Variants in AHCYL2 observed in about 807,000 individuals in gnomAD.
The protein encoded by AHCYL2 is adenosylhomocysteinase like 2, also known as S-adenosylhomocysteine hydrolase-like protein 2.
Under a neutral mutation model 81.4 loss-of-function variants are expected in AHCYL2, and 28 were observed. The ratio of observed to expected loss-of-function variants is 0.34; its 90% CI spans 0.25 to 0.47. The LOEUF is 0.47. Ranked by LOEUF, AHCYL2 falls within the 20% of genes least tolerant of loss-of-function variation. The pLI is 1.00. For missense variants in AHCYL2, 551 were observed against 785.1 expected (o/e 0.70, Z 3.56); for synonymous variants, 272 against 290.2 (o/e 0.94, Z 0.64).
chr7:129,260,405 T>C (rs1795583583), intron 1 of AHCYL2, among the ~76,000 whole-genome samples: 1 of 152,210 alleles, frequency 6.6e-6, no homozygotes, highest in Admixed American at 6.5e-5. Context: ...TATACAATCA[T>C]TCAAATACTT....
chr7:129,234,127 T>C (rs1794549398), intron 1 of AHCYL2, among the ~76,000 whole-genome samples: 1 of 152,162 alleles, frequency 6.6e-6, no homozygotes, highest in Non-Finnish European at 1.5e-5. Context: ...CATAGCTCAT[T>C]GCACCCTCAA....
chr7:129,308,708 A>G (rs1284293279), intron 1 of AHCYL2, among the ~76,000 whole-genome samples: 1 of 152,236 alleles, frequency 6.6e-6, no homozygotes, highest in African/African-American at 2.4e-5. Context: ...ACATTCAGAT[A>G]GTAGAATTAT....
chr7:129,373,345 A>G (rs1306609813), intron 1 of AHCYL2, among the ~76,000 whole-genome samples: 1 of 152,106 alleles, frequency 6.6e-6, no homozygotes, highest in Non-Finnish European at 1.5e-5. Flanking sequence ...GGAGATCGAG[A>G]CCAGCCTGGC....
chr7:129,379,102 G>A (rs1651657347), intron 1 of AHCYL2, among the ~76,000 whole-genome samples: 1 of 151,950 alleles, frequency 6.6e-6, no homozygotes, highest in Non-Finnish European at 1.5e-5. Context: ...CCAACATGGT[G>A]AAATGCTGTC....
chr7:129,258,266 AAAG>A (rs1795492540), intron 1 of AHCYL2, among the ~76,000 whole-genome samples: 1 of 151,766 alleles, frequency 6.6e-6, no homozygotes, highest in Non-Finnish European at 1.5e-5. Flanking sequence ...GGAAAAAAAA[AAAG>A]AATCCCCCAT....
At chr7:129,298,918 G>A (rs1027217926) in intron 1 of AHCYL2, among the ~76,000 whole-genome samples, 2 of 151,952 alleles carry the variant, frequency 1.3e-5, no homozygotes, top group Admixed American at 1.3e-4. Flanking sequence ...TTCTGTAAAG[G>A]CTCAGATGGT....
At chr7:129,233,946 G>C (rs1424938411) in intron 1 of AHCYL2, among the ~76,000 whole-genome samples, 1 of 151,944 alleles carries the variant, frequency 6.6e-6, no homozygotes, top group Non-Finnish European at 1.5e-5. Flanking sequence ...CCTTCATTCT[G>C]TCAAGACCAA....
rs370271862 is a variant in AHCYL2 at position 129,409,456 on chromosome 7, G to A, written c.1296-20G>A. 6 of 1,610,402 alleles carry A rather than the reference G, an allele frequency of 3.7e-6. No homozygotes were observed. The African/African-American group carries it at 4.0e-5, about 11-fold the overall frequency. On this transcript the variant is annotated intron_variant, in intron 10 of 16. Transcript: ENST00000325006. ...CCCAGCTGCCTGTTTAGGTTAATGGGTCATGCTTTATTTCAACAGTATGGA... is the reference window on the plus strand; with the variant it reads ...CCCAGCTGCCTGTTTAGGTTAATGGATCATGCTTTATTTCAACAGTATGGA...
At chr7:129,225,849 T>C (rs1794196245) in intron 1 of AHCYL2, among the ~76,000 whole-genome samples, 1 of 152,192 alleles carries the variant, frequency 6.6e-6, no homozygotes, top group African/African-American at 2.4e-5. Context: ...AAAAGATCTT[T>C]AATACTTGGA....
At chr7:129,303,001 A>T (rs1278342655) in intron 1 of AHCYL2, among the ~76,000 whole-genome samples, 1 of 151,826 alleles carries the variant, frequency 6.6e-6, no homozygotes, top group African/African-American at 2.4e-5. Flanking sequence ...CTTTGCTGGG[A>T]TACTTCTTTG....
At chr7:129,268,497 G>A (rs1795894674) in intron 1 of AHCYL2, among the ~76,000 whole-genome samples, 1 of 152,090 alleles carries the variant, frequency 6.6e-6, no homozygotes, top group South Asian at 2.1e-4. Flanking sequence ...ACAGGCACGG[G>A]CCACCATACC....
At chr7:129,291,302 A>G (rs1796850876) in intron 1 of AHCYL2, among the ~76,000 whole-genome samples, 1 of 152,182 alleles carries the variant, frequency 6.6e-6, no homozygotes, top group African/African-American at 2.4e-5. Context: ...TTTTGCATGG[A>G]TTATACATAT....
intron 1 of AHCYL2, among the ~76,000 whole-genome samples, chr7:129,332,290 G>A (rs1798450169): frequency 6.6e-6 from 1 of 152,058 alleles, no homozygotes. Context: ...CAGAAGGGTG[G>A]AGTGTATTAA....
intron 1 of AHCYL2, among the ~76,000 whole-genome samples, chr7:129,348,704 C>T (rs1188704909): frequency 1.3e-5 from 2 of 152,114 alleles, no homozygotes; most frequent in East Asian, 1.9e-4. Flanking sequence ...ACTTACTAGC[C>T]GTTGTTTGTC....
rs1203366740 is a variant in AHCYL2, at chr7:129,419,273, C to A, written c.1462-3567C>A. Among the ~76,000 whole-genome samples the A allele has an allele frequency of 6.6e-6, 1 of 152,100 alleles. No individual in the cohort carries two copies. Among genetic ancestry groups the A allele is most frequent in the East Asian group, 1.9e-4 (1 of 5,186 alleles). ...TTGCTTTGTCTTAAAAGCAGACCTGCAGCCAGGTGTGGTGGCTCACGCCTG... is the reference window on the plus strand; with the variant it reads ...TTGCTTTGTCTTAAAAGCAGACCTGAAGCCAGGTGTGGTGGCTCACGCCTG... On this transcript the variant is annotated intron_variant, in intron 12 of 16. Coordinates refer to ENST00000325006, the MANE Select transcript of AHCYL2 (RefSeq NM_015328.4). The surrounding 1 kb of genome is among the most constrained non-coding windows in gnomAD (Gnocchi z 4.7).
At chr7:129,320,346 T>C (rs1282404827) in intron 1 of AHCYL2, among the ~76,000 whole-genome samples, 3 of 152,100 alleles carry the variant, frequency 2.0e-5, no homozygotes, top group African/African-American at 4.8e-5. Context: ...TGAGATAGAG[T>C]CTTCTTCTGT....
At position 129,405,203 on chromosome 7, in the gene AHCYL2, A is replaced by G. The variant is rs1387977158; in HGVS notation, c.1132A>G (p.Ile378Val). 4.4e-6 allele frequency: 7 copies of G among 1,599,840 alleles called. No individual in the cohort carries two copies. Among genetic ancestry groups the G allele is most frequent in the Non-Finnish European group, 6.0e-6 (7 of 1,171,846 alleles). The change falls in exon 8 of 17, where the codon ATT becomes GTT. Residue 378 changes from isoleucine to valine, a missense_variant. By Grantham distance (29) the Ile-to-Val change is conservative (BLOSUM62 3). Around this residue, in one of 2 missense-constraint regions of AHCYL2, gnomAD observed 316 missense variants for 543.1 expected, o/e 0.58. Transcript: ENST00000325006. ...CAACCTCTACTGTTGCCGTGAATCA[A>G]TTCTTGATGGGTAATGTTTATTATC... ...FDNLYCCRES[I>V]LDGLKRTTDM...
chr7:129,403,589 C>A, intron 7 of AHCYL2, 104 bp downstream of exon 7: 1 of 690,448 alleles, frequency 1.4e-6, no homozygotes, highest in Non-Finnish European at 2.2e-6. Context: ...CTGGGCCAGG[C>A]GCGGTGGCTC....
At chr7:129,265,513 G>A (rs1795786921) in intron 1 of AHCYL2, among the ~76,000 whole-genome samples, 1 of 152,146 alleles carries the variant, frequency 6.6e-6, no homozygotes, top group Non-Finnish European at 1.5e-5. Flanking sequence ...AAGTGCACAG[G>A]TTCTGAGGGG....
Sources: allele counts gnomAD v4.1 joint callset (sites outside exome capture counted in the v4.1 genomes callset), GRCh38; gene constraint gnomAD v4.1.1; regional missense constraint gnomAD v4.1.1; non-coding constraint Gnocchi (gnomAD v3.1); transcripts MANE v1.5; gene names NCBI Gene and HGNC (gene_info 2026-07-23, HGNC 2026-07-21).